ERBB4: variants seen among roughly 807,000 people sequenced by gnomAD.
ERBB4 encodes erb-b2 receptor tyrosine kinase 4.
A neutral mutation model predicts 158.0 loss-of-function variants in ERBB4; 42 were observed. The observed-to-expected ratio is 0.27, with a 90% CI of 0.21 to 0.34. The LOEUF is 0.34. Among genes scored for constraint, ERBB4 ranks in the 10% least tolerant of loss-of-function variants. The pLI is 1.00. For synonymous variants in ERBB4, 583 were observed against 558.7 expected, an observed-to-expected ratio of 1.04 and a Z score of -0.61; for missense variants, 1,333 against 1,624.1, an observed-to-expected ratio of 0.82 and a Z score of 3.08.
intron 5 of ERBB4, among the ~76,000 whole-genome samples, chr2:211,738,309 A>G (rs1192949116): frequency 2.1e-4 from 32 of 152,010 alleles, no homozygotes; most frequent in Admixed American, 2.1e-3. Flanking sequence ...TTTTAAAAAT[A>G]CAAAACTATA....
chr2:212,427,406 C>A (rs16848535), intron 1 of ERBB4, among the ~76,000 whole-genome samples: 15,151 of 152,072 alleles, frequency 0.1, 1,358 homozygotes, highest in African/African-American at 0.23. Flanking sequence ...AACGTTATCC[C>A]CTTTCTCTAC....
intron 1 of ERBB4, among the ~76,000 whole-genome samples, chr2:212,413,271 C>T (rs2091555963): frequency 6.6e-6 from 1 of 151,640 alleles, no homozygotes; most frequent in Non-Finnish European, 1.5e-5. Flanking sequence ...CAGGCACGAG[C>T]CACCCCGCCC....
At chr2:212,455,908 C>T (rs1684275603) in intron 1 of ERBB4, among the ~76,000 whole-genome samples, 1 of 152,032 alleles carries the variant, frequency 6.6e-6, no homozygotes, top group Non-Finnish European at 1.5e-5. Flanking sequence ...ATGCTAGGTG[C>T]TGGGCATCCT....
chr2:212,088,276 C>A (rs1476080613), intron 2 of ERBB4, among the ~76,000 whole-genome samples: 4 of 152,002 alleles, frequency 2.6e-5, no homozygotes, highest in Non-Finnish European at 5.9e-5. Flanking sequence ...ACAGGTATCA[C>A]CTTATTATAA....
intron 20 of ERBB4, among the ~76,000 whole-genome samples, chr2:211,455,465 A>G (rs910681235): frequency 2.0e-5 from 3 of 152,128 alleles, no homozygotes; most frequent in Admixed American, 6.6e-5. Context: ...GTTTGGTTTT[A>G]TTTTGCCAAT....
chr2:212,100,067 G>T (rs1399085641), intron 2 of ERBB4, among the ~76,000 whole-genome samples: 1 of 151,882 alleles, frequency 6.6e-6, no homozygotes, highest in Non-Finnish European at 1.5e-5. Flanking sequence ...GCAAAAGATT[G>T]TACATCAATG....
At chr2:211,948,555 T>G (rs1047983144) in intron 2 of ERBB4, among the ~76,000 whole-genome samples, 11 of 151,982 alleles carry the variant, frequency 7.2e-5, no homozygotes, top group Non-Finnish European at 1.3e-4. Flanking sequence ...GTTAATTATT[T>G]GAGGGTTTGT....
intron 1 of ERBB4, among the ~76,000 whole-genome samples, chr2:212,347,727 G>A (rs909404004): frequency 3.3e-5 from 5 of 151,978 alleles, no homozygotes; most frequent in Non-Finnish European, 7.4e-5. Flanking sequence ...ATAAGTTTTG[G>A]GTTTGGGAGC....
intron 3 of ERBB4, among the ~76,000 whole-genome samples, chr2:211,824,934 T>C (rs933429118): frequency 2.6e-4 from 39 of 151,958 alleles, no homozygotes; most frequent in African/African-American, 8.9e-4. Context: ...TGTTAATATC[T>C]CTACATTCTA....
At chr2:212,454,081 C>T (rs1688149532) in intron 1 of ERBB4, among the ~76,000 whole-genome samples, 1 of 152,088 alleles carries the variant, frequency 6.6e-6, no homozygotes, top group Non-Finnish European at 1.5e-5. Context: ...GCTGGGACTA[C>T]AGGCATGCAC....
intron 2 of ERBB4, among the ~76,000 whole-genome samples, chr2:211,973,568 A>T (rs2371435): frequency 0.029 from 4,392 of 152,308 alleles, 96 homozygotes; most frequent in South Asian, 0.056. Flanking sequence ...ATTATTAAAA[A>T]GTCAAAAAAA....
intron 19 of ERBB4, among the ~76,000 whole-genome samples, chr2:211,599,146 C>G (rs912825451): frequency 6.6e-6 from 1 of 151,922 alleles, no homozygotes; most frequent in South Asian, 2.1e-4. Context: ...CCTCTTAAGT[C>G]TCCTTTAGAG....
rs547152207 is a variant in ERBB4, at chr2:212,002,651, A to G, written c.235-55035T>C. ...AGAAACTGATGATGATACAAATAGA[A>G]GAAAGTTTAAAATAAACACAGTAAA... On this transcript the variant is annotated intron_variant, in intron 2 of 27. Coordinates refer to ENST00000342788, the MANE Select transcript of ERBB4 (RefSeq NM_005235.3). 9.8e-5 allele frequency among the ~76,000 whole-genome samples: 15 copies of G among 152,344 alleles called. No homozygotes were observed. The East Asian group carries it at 1.7e-3, about 18-fold the overall frequency.
intron 3 of ERBB4, among the ~76,000 whole-genome samples, chr2:211,916,725 G>A (rs2079702191): frequency 6.6e-6 from 1 of 152,042 alleles, no homozygotes; most frequent in Non-Finnish European, 1.5e-5. Flanking sequence ...ATGTGAATTT[G>A]TGTAGCCATT....
chr2:212,508,417 GGT>G (rs1426703664), intron 1 of ERBB4, among the ~76,000 whole-genome samples: 3 of 151,914 alleles, frequency 2.0e-5, no homozygotes, highest in Non-Finnish European at 4.4e-5. Flanking sequence ...ATTACTTATG[GGT>G]TTATGCATTG....
At chr2:211,706,053 T>C (rs1025289905) in intron 9 of ERBB4, among the ~76,000 whole-genome samples, 39 of 152,330 alleles carry the variant, frequency 2.6e-4, no homozygotes, top group African/African-American at 8.2e-4. Context: ...TTCCAGTTTT[T>C]TTTTTAAAGA....
At chr2:212,090,044 G>T (rs1396873641) in intron 2 of ERBB4, among the ~76,000 whole-genome samples, 1 of 151,984 alleles carries the variant, frequency 6.6e-6, no homozygotes, top group Non-Finnish European at 1.5e-5. Context: ...GCCTTTCCTG[G>T]TCAGATGTGT....
At chr2:212,117,100 T>C (rs1056231175) in intron 2 of ERBB4, among the ~76,000 whole-genome samples, 2 of 152,212 alleles carry the variant, frequency 1.3e-5, no homozygotes, top group African/African-American at 4.8e-5. Flanking sequence ...TTTCAGATAC[T>C]ATCAAAGCTT....
chr2:212,379,334 CCA>C (rs1209184065), intron 1 of ERBB4, among the ~76,000 whole-genome samples: 1 of 151,778 alleles, frequency 6.6e-6, no homozygotes, highest in African/African-American at 2.4e-5. Flanking sequence ...ATGCCAGTAA[CCA>C]CACAGTGATA....
Sources: allele counts gnomAD v4.1 joint callset (sites outside exome capture counted in the v4.1 genomes callset), GRCh38; gene constraint gnomAD v4.1.1; transcripts MANE v1.5; gene names NCBI Gene and HGNC (gene_info 2026-07-23, HGNC 2026-07-21).